SBNO1: variants seen among roughly 807,000 people sequenced by gnomAD.
SBNO1 encodes the protein strawberry notch homolog 1.
Under a neutral mutation model 173.6 loss-of-function variants are expected in SBNO1, and 23 were observed. The observed-to-expected ratio is 0.13, with a 90% confidence interval of 0.10 to 0.19. The LOEUF (loss-of-function observed/expected upper bound fraction) is 0.19, where lower values mean the gene tolerates loss of function less well. SBNO1 is among the 10% of genes least tolerant of loss of function. The pLI is 1.00. For synonymous variants in SBNO1, 632 were observed against 571.5 expected (o/e 1.11, Z -1.51); for missense variants, 1,238 against 1,671.2 (o/e 0.74, Z 4.52).
At chr12:123,316,254 C>T (rs184262184) in intron 21 of SBNO1, among the ~76,000 whole-genome samples, 4 of 152,236 alleles carry the variant, frequency 2.6e-5, no homozygotes, top group Admixed American at 1.3e-4. Context: ...GTTAGAGTTT[C>T]GCTCTTGTTG....
chr12:123,329,374 C>CT lies in SBNO1; in HGVS notation c.1135-480dup, dbSNP rs60825775. ...TCAGCCTGGGCAACAGAGCTGAGAT[C>CT]TTTTTTTTTTTTTTTTAAATCCAGT... is the stretch of plus-strand genomic sequence containing the variant. On this transcript the variant is annotated intron_variant, in intron 9 of 31. Transcript: ENST00000602398. Among the ~76,000 whole-genome samples, 122 of 133,842 alleles carry CT rather than the reference C, an allele frequency of 9.1e-4. 1 individual carries two copies. Among genetic ancestry groups the CT allele is most frequent in the Middle Eastern group, 4.1e-3 (1 of 246 alleles). The allele number at this position is 133,842 out of a possible 152,430, so 87.8% of individuals were successfully genotyped here.
At chr12:123,361,373 A>G (rs563154075) in intron 1 of SBNO1, among the ~76,000 whole-genome samples, 1 of 149,858 alleles carries the variant, frequency 6.7e-6, no homozygotes, top group Admixed American at 6.7e-5. Context: ...ACATGCAGAA[A>G]CCCCGTCTCT....
chr12:123,297,608 C>CCATT (rs2048653601), intron 31 of SBNO1, among the ~76,000 whole-genome samples: 2 of 151,986 alleles, frequency 1.3e-5, no homozygotes, highest in African/African-American at 4.8e-5. Context: ...GGACACCAAG[C>CCATT]CATTCTCTGT....
intron 21 of SBNO1, 146 bp downstream of exon 21, chr12:123,317,075 T>C: frequency 1.3e-6 from 1 of 773,728 alleles, no homozygotes; most frequent in Non-Finnish European, 2.1e-6. Flanking sequence ...CGGACTCAAG[T>C]TATCCTCCCA....
chr12:123,335,260 G>C (rs1344656135), intron 6 of SBNO1, among the ~76,000 whole-genome samples: 1 of 152,178 alleles, frequency 6.6e-6, no homozygotes, highest in African/African-American at 2.4e-5. Context: ...CCAACACGGT[G>C]AAACCCCATC....
intron 21 of SBNO1, 29 bp downstream of exon 21, chr12:123,317,192 T>G: frequency 1.2e-6 from 2 of 1,611,836 alleles, no homozygotes; most frequent in Non-Finnish European, 1.7e-6. Flanking sequence ...AGCTATCCAT[T>G]AAGTGAAATC....
chr12:123,351,590 G>A lies in SBNO1; in HGVS notation c.1-1149C>T, dbSNP rs552295359. ...GATTGCACAACTGCACTCCAGCCTG[G>A]GTTACAGAGTAAGACCCCCAACTCA... is the stretch of plus-strand genomic sequence containing the variant. On this transcript the variant is annotated intron_variant, in intron 1 of 31. Coordinates refer to ENST00000602398, the MANE Select transcript of SBNO1 (RefSeq NM_001167856.3). 9.2e-5 allele frequency among the ~76,000 whole-genome samples: 14 copies of A among 152,170 alleles called. No homozygotes were observed. In the East Asian group the frequency reaches 1.5e-3, roughly 17 times the overall value.
chr12:123,314,474 C>T (rs866177031), intron 23 of SBNO1, among the ~76,000 whole-genome samples: 6 of 151,778 alleles, frequency 4.0e-5, no homozygotes, highest in African/African-American at 9.7e-5. Context: ...GGACTACAGG[C>T]GCACACCACC....
At chr12:123,331,461 A>ATGTTGT (rs1871196563) in intron 7 of SBNO1, 86 bp from the exon 8 acceptor site, 2 of 1,083,546 alleles carry the variant, frequency 1.8e-6, no homozygotes, top group Non-Finnish European at 2.5e-6. Context: ...GAGTAGGAAT[A>ATGTTGT]TGTTATGTTT....
At chr12:123,298,228 T>C in intron 30 of SBNO1, 57 bp from the exon 31 acceptor site, 1 of 1,469,834 alleles carries the variant, frequency 6.8e-7, no homozygotes, top group Non-Finnish European at 9.3e-7. Flanking sequence ...ACAGACACGT[T>C]TCTAAAAGAT....
chr12:123,347,448 G>A (rs902158591), intron 3 of SBNO1, among the ~76,000 whole-genome samples: 7 of 151,840 alleles, frequency 4.6e-5, no homozygotes, highest in East Asian at 1.9e-4. Flanking sequence ...GGATGGTCTC[G>A]ATCTCCTGAC....
chr12:123,316,451 C>T (rs544361091), intron 21 of SBNO1, among the ~76,000 whole-genome samples: 6 of 152,166 alleles, frequency 3.9e-5, no homozygotes, highest in African/African-American at 1.4e-4. Context: ...CTTGAACTCC[C>T]GACCTCAGGT....
intron 5 of SBNO1, among the ~76,000 whole-genome samples, chr12:123,338,013 A>G (rs6488870): frequency 0.95 from 144,970 of 152,188 alleles, 69,179 homozygotes; most frequent in Non-Finnish European, 0.96. Flanking sequence ...CATGTGAGAT[A>G]GCAACTGACA....
chr12:123,309,028 C>T (rs1383073201), intron 28 of SBNO1, among the ~76,000 whole-genome samples: 1 of 152,008 alleles, frequency 6.6e-6, no homozygotes, highest in African/African-American at 2.4e-5. Context: ...TGAGATCGTG[C>T]CATTGCACTC....
chr12:123,310,932 A>G, intron 25 of SBNO1, 123 bp downstream of exon 25: 1 of 704,402 alleles, frequency 1.4e-6, no homozygotes, highest in Middle Eastern at 2.6e-4. Flanking sequence ...ACCCCACAGC[A>G]GCCAAAACCA....
chr12:123,364,304 G>A (rs1021661497), intron 1 of SBNO1: 13 of 985,646 alleles, frequency 1.3e-5, no homozygotes, highest in Non-Finnish European at 1.2e-5. Flanking sequence ...CTTTCCCCGC[G>A]GGTCCCGGAC....
At position 123,318,963 on chromosome 12, in the gene SBNO1, G is replaced by C. The variant is rs1869633541; in HGVS notation, c.2799+937C>G. ...GTCACAACACCAAGATGAACTAAGG[G>C]AACGTTTTTTTTTTTTTTTTGAGAC... On this transcript the variant is annotated intron_variant, in intron 20 of 31. Coordinates refer to ENST00000602398, the MANE Select transcript of SBNO1 (RefSeq NM_001167856.3). 2.0e-5 allele frequency among the ~76,000 whole-genome samples: 3 copies of C among 150,566 alleles called. No individual in the cohort carries two copies. In the South Asian group the frequency reaches 6.3e-4, roughly 32 times the overall value.
intron 1 of SBNO1, among the ~76,000 whole-genome samples, chr12:123,354,642 T>C (rs549676604): frequency 6.6e-6 from 1 of 152,328 alleles, no homozygotes; most frequent in African/African-American, 2.4e-5. Flanking sequence ...AAACTTGTAT[T>C]AGCCAATCTC....
In SBNO1 at chr12:123,298,048, T is replaced by G. The variant is rs1593316704; in HGVS notation, c.3969A>C (p.Ala1323=). 1 of 1,614,078 alleles carries G rather than the reference T, an allele frequency of 6.2e-7. No homozygotes were observed. Among genetic ancestry groups the G allele is most frequent in the East Asian group, 2.2e-5 (1 of 44,866 alleles). Residue 1323 remains alanine, a synonymous_variant, in exon 31 of 32, where the codon GCA becomes GCC. Coordinates refer to ENST00000602398, the MANE Select transcript of SBNO1 (RefSeq NM_001167856.3). ...TCTTCACGTTTGTGCCACTGACAGA[T>G]GCTAGAACACCCTCAACTTTTGTCC... ...SVWTKVEGVL[A]SVSGTNVKMQ...
Sources: allele counts gnomAD v4.1 joint callset (sites outside exome capture counted in the v4.1 genomes callset), GRCh38; gene constraint gnomAD v4.1.1; transcripts MANE v1.5; gene names NCBI Gene and HGNC (gene_info 2026-07-23, HGNC 2026-07-21).